MAGI2: variants seen among roughly 807,000 people sequenced by gnomAD.
MAGI2 encodes membrane-associated guanylate kinase, WW and PDZ domain-containing protein 2.
MAGI2 carries 35 observed loss-of-function variants against 133.3 expected under a neutral mutation model. The ratio of observed to expected loss-of-function variants is 0.26; its 90% CI spans 0.20 to 0.35. The LOEUF (loss-of-function observed/expected upper bound fraction) is 0.35. Among genes scored for constraint, MAGI2 ranks in the 10% least tolerant of loss-of-function variants. The pLI is 1.00. For synonymous variants in MAGI2, 729 were observed against 710.6 expected, an observed-to-expected ratio of 1.03 and a Z score of -0.41; for missense variants, 1,636 against 1,863.4, an observed-to-expected ratio of 0.88 and a Z score of 2.25.
In MAGI2 at chr7:78,256,068, C is replaced by T. The variant is rs1227526953; in HGVS notation, c.1922G>A (p.Cys641Tyr). 1 of 1,613,750 alleles carries T rather than the reference C, an allele frequency of 6.2e-7. No homozygotes were observed. The highest frequency in any genetic ancestry group is 1.1e-5 in the South Asian group (1 of 91,016). Reference sequence around the variant, plus strand: ...GATCTCAACAATGAGGTCGCCTTCACACAGGCCAGGGCATCCCTGAATGTC... The same window carrying T: ...GATCTCAACAATGAGGTCGCCTTCATACAGGCCAGGGCATCCCTGAATGTC... ...ILDIQGCPGL[C>Y]EGDLIVEINQ... The change falls in exon 10 of 22, where the codon TGT (cysteine) becomes TAT (tyrosine). Residue 641 changes from cysteine to tyrosine, a missense_variant. By Grantham distance (194) the Cys-to-Tyr change is radical. Coordinates refer to ENST00000354212, the MANE Select transcript of MAGI2 (RefSeq NM_012301.4).
chr7:79,300,340 A>G (rs896060088), intron 1 of MAGI2, among the ~76,000 whole-genome samples: 1 of 152,188 alleles, frequency 6.6e-6, no homozygotes, highest in East Asian at 1.9e-4. Context: ...GAAATGAGAA[A>G]TCTTATTGGA....
intron 1 of MAGI2, among the ~76,000 whole-genome samples, chr7:79,282,508 A>C (rs1055533659): frequency 4.6e-5 from 7 of 152,170 alleles, no homozygotes; most frequent in Non-Finnish European, 5.9e-5. Flanking sequence ...GCTTAAGAAC[A>C]TATCTGCAGG....
At chr7:79,046,833 A>C (rs1395852762) in intron 1 of MAGI2, among the ~76,000 whole-genome samples, 1 of 152,216 alleles carries the variant, frequency 6.6e-6, no homozygotes, top group Admixed American at 6.5e-5. Flanking sequence ...CTAAAAGTTA[A>C]ATACTCTGAA....
At chr7:78,478,839 G>A (rs1163738145) in intron 6 of MAGI2, among the ~76,000 whole-genome samples, 1 of 151,946 alleles carries the variant, frequency 6.6e-6, no homozygotes, top group Admixed American at 6.6e-5. Context: ...TGGACAACAG[G>A]CATCAACAAA....
At chr7:78,312,402 A>C (rs1798786306) in intron 9 of MAGI2, among the ~76,000 whole-genome samples, 1 of 152,204 alleles carries the variant, frequency 6.6e-6, no homozygotes, top group Admixed American at 6.5e-5. Flanking sequence ...TAGCTACCGC[A>C]AAAAGTATCA....
intron 2 of MAGI2, among the ~76,000 whole-genome samples, chr7:78,659,260 T>C (rs942733473): frequency 1.3e-5 from 2 of 150,420 alleles, no homozygotes; most frequent in African/African-American, 4.9e-5. Flanking sequence ...ACCATCCTGG[T>C]TAACATGATG....
At chr7:78,073,799 T>C (rs978796365) in intron 21 of MAGI2, among the ~76,000 whole-genome samples, 18 of 152,256 alleles carry the variant, frequency 1.2e-4, no homozygotes, top group African/African-American at 4.3e-4. Context: ...CCATGATGCA[T>C]ACTTCCTTTT....
chr7:78,172,805 C>T (rs1826238838), intron 14 of MAGI2, among the ~76,000 whole-genome samples: 1 of 152,130 alleles, frequency 6.6e-6, no homozygotes, highest in Admixed American at 6.5e-5. Context: ...GAGGCTAGCA[C>T]ATTTTGTTTG....
Position 78,208,950 on chromosome 7 carries a change from C to T in MAGI2, c.2048-7757G>A, listed in dbSNP as rs374898906. On this transcript the variant is annotated intron_variant, in intron 10 of 21. Transcript: ENST00000354212. ...TTTAAGACAGGAACCTGGCCGGGCG[C>T]GGTGGCTCACGCCTGTAATCCCAGC... Among the ~76,000 whole-genome samples, 17 of 151,640 alleles carry T rather than the reference C, an allele frequency of 1.1e-4. No homozygotes were observed. In the East Asian group the frequency reaches 2.0e-3, roughly 18 times the overall value.
chr7:79,136,899 T>C (rs1027978609), intron 1 of MAGI2, among the ~76,000 whole-genome samples: 1 of 152,160 alleles, frequency 6.6e-6, no homozygotes, highest in Non-Finnish European at 1.5e-5. Context: ...GATGAAACAC[T>C]TGCCCGGCCT....
chr7:78,628,279 C>CAT (rs1808585139), intron 2 of MAGI2, among the ~76,000 whole-genome samples: 1 of 91,504 alleles, frequency 1.1e-5, no homozygotes, highest in Non-Finnish European at 2.4e-5. Flanking sequence ...TTACATAATG[C>CAT]ATACATGCAA....
At chr7:78,168,256 C>T (rs1363878876) in intron 14 of MAGI2, 148 bp from the exon 15 acceptor site, 24 of 636,846 alleles carry the variant, frequency 3.8e-5, no homozygotes, top group African/African-American at 1.1e-4. Context: ...CCCAGGTTCA[C>T]GCCATCTTTT....
intron 20 of MAGI2, among the ~76,000 whole-genome samples, chr7:78,111,729 G>A (rs1819383048): frequency 6.6e-6 from 1 of 152,170 alleles, no homozygotes. Flanking sequence ...CATGGAGCAG[G>A]GCCAGACAAT....
chr7:79,077,421 C>T (rs547219306), intron 1 of MAGI2, among the ~76,000 whole-genome samples: 2 of 150,602 alleles, frequency 1.3e-5, no homozygotes, highest in South Asian at 2.1e-4. Context: ...ATTAGCCAGG[C>T]GTGGTGGCGG....
intron 9 of MAGI2, among the ~76,000 whole-genome samples, chr7:78,312,228 AT>A (rs35857095): frequency 5.3e-5 from 8 of 151,820 alleles, no homozygotes; most frequent in African/African-American, 1.5e-4. Context: ...ATTTTGAAAC[AT>A]TTTTTTTCTA....
intron 2 of MAGI2, among the ~76,000 whole-genome samples, chr7:78,918,497 A>G (rs779926034): frequency 9.9e-5 from 15 of 152,160 alleles, no homozygotes; most frequent in Non-Finnish European, 1.8e-4. Flanking sequence ...CCCCAATATG[A>G]TATTGTGCCC....
chr7:79,251,789 G>A (rs928847659), intron 1 of MAGI2, among the ~76,000 whole-genome samples: 2 of 152,052 alleles, frequency 1.3e-5, no homozygotes, highest in Admixed American at 6.6e-5. Flanking sequence ...GCATTCCCAC[G>A]TTTACTGCAG....
At chr7:78,105,663 G>C (rs1583922315) in intron 20 of MAGI2, among the ~76,000 whole-genome samples, 1 of 152,074 alleles carries the variant, frequency 6.6e-6, no homozygotes, top group African/African-American at 2.4e-5. Context: ...TGATATGCGT[G>C]TTGCCTCTTC....
chr7:78,736,060 T>C (rs540476368), intron 2 of MAGI2, among the ~76,000 whole-genome samples: 7 of 152,278 alleles, frequency 4.6e-5, no homozygotes, highest in African/African-American at 1.7e-4. Flanking sequence ...CGTGAAATAT[T>C]ATACGAATTC....
Sources: gnomAD v4.1 joint callset for allele counts (sites outside exome capture counted in the v4.1 genomes callset) on GRCh38, gnomAD v4.1.1 for gene constraint, MANE v1.5 for transcripts, NCBI Gene and HGNC (gene_info 2026-07-23, HGNC 2026-07-21) for gene names.